The following CWC27 variants were observed in gnomAD, a reference collection of about 807,000 sequenced individuals.
CWC27 encodes CWC27 spliceosome associated cyclophilin.
A neutral mutation model predicts 63.6 loss-of-function variants in CWC27; 47 were observed. That is an observed-to-expected ratio of 0.74 (90% CI 0.58 to 0.94). CWC27 has a LOEUF of 0.94. Among genes scored for constraint, CWC27 ranks in the 40% least tolerant of loss-of-function variants. CWC27 has a pLI of 0.00. For missense variants in CWC27, 495 were observed against 554.3 expected, an observed-to-expected ratio of 0.89 and a Z score of 1.07; for synonymous variants, 175 against 179.8, an observed-to-expected ratio of 0.97 and a Z score of 0.22.
At chr5:64,879,573 A>G (rs1186754235) in intron 10 of CWC27, among the ~76,000 whole-genome samples, 1 of 151,950 alleles carries the variant, frequency 6.6e-6, no homozygotes, top group Admixed American at 6.6e-5. Context: ...TTTCTGAAAT[A>G]GCAGAGGGGC....
intron 12 of CWC27, chr5:64,972,734 A>G (rs1037491214): frequency 1.8e-5 from 8 of 443,812 alleles, no homozygotes; most frequent in Non-Finnish European, 3.1e-5. Context: ...AGAGATACTA[A>G]GGATGACTCA....
chr5:64,918,999 C>T (rs1747942931), intron 11 of CWC27, among the ~76,000 whole-genome samples: 1 of 152,132 alleles, frequency 6.6e-6, no homozygotes, highest in African/African-American at 2.4e-5. Context: ...GTTCTTAAAA[C>T]AATGAGATAA....
intron 13 of CWC27, among the ~76,000 whole-genome samples, chr5:65,004,514 G>T (rs1255683942): frequency 6.8e-6 from 1 of 146,300 alleles, no homozygotes; most frequent in Non-Finnish European, 1.5e-5. Context: ...TTCATTGATT[G>T]AATTCTTCAG....
intron 7 of CWC27, among the ~76,000 whole-genome samples, chr5:64,794,435 C>T (rs1420421412): frequency 6.6e-6 from 1 of 151,932 alleles, no homozygotes; most frequent in Non-Finnish European, 1.5e-5. Flanking sequence ...ACATAATAGC[C>T]TGTGAGTCCT....
intron 11 of CWC27, among the ~76,000 whole-genome samples, chr5:64,970,084 C>T (rs1020127572): frequency 6.6e-6 from 1 of 152,150 alleles, no homozygotes; most frequent in Non-Finnish European, 1.5e-5. Flanking sequence ...TTAACTGCCT[C>T]ATGTAGGGAT....
intron 13 of CWC27, among the ~76,000 whole-genome samples, chr5:64,982,128 TTAA>T: frequency 6.6e-6 from 1 of 152,192 alleles, no homozygotes; most frequent in Non-Finnish European, 1.5e-5. Context: ...CAGTGAAATC[TTAA>T]TAATACAGAT....
intron 10 of CWC27, among the ~76,000 whole-genome samples, chr5:64,844,532 G>C (rs1441784681): frequency 6.6e-6 from 1 of 152,232 alleles, no homozygotes; most frequent in Non-Finnish European, 1.5e-5. Flanking sequence ...TTTTGGAGAA[G>C]TGAAGGGTCT....
chr5:64,992,266 C>T (rs1429150190), intron 13 of CWC27, among the ~76,000 whole-genome samples: 1 of 152,164 alleles, frequency 6.6e-6, no homozygotes, highest in East Asian at 1.9e-4. Context: ...AAATGAGGAA[C>T]TCTGTAGTTC....
chr5:65,008,505 G>A (rs548844883), intron 13 of CWC27, among the ~76,000 whole-genome samples: 3 of 152,214 alleles, frequency 2.0e-5, no homozygotes, highest in East Asian at 1.9e-4. Flanking sequence ...AACTTTATCC[G>A]ACCCACTATA....
chr5:64,889,769 A>G (rs1747179487), intron 11 of CWC27, among the ~76,000 whole-genome samples: 1 of 152,190 alleles, frequency 6.6e-6, no homozygotes, highest in African/African-American at 2.4e-5. Context: ...GATACCAGCA[A>G]TGTCAAAAGA....
At chr5:65,006,972 A>C (rs199669704) in intron 13 of CWC27, among the ~76,000 whole-genome samples, 3 of 93,584 alleles carry the variant, frequency 3.2e-5, no homozygotes, top group East Asian at 3.0e-4. Context: ...GAAAGAAAGA[A>C]AGAAAGAAAG....
In CWC27 at chr5:64,769,179, G is replaced by A; in HGVS notation, c.33G>A (p.Thr11=). The change falls in exon 1 of 14, where the codon ACG becomes ACA. Residue 11 remains threonine (T), a synonymous_variant. Coordinates refer to ENST00000381070, the MANE Select transcript of CWC27 (RefSeq NM_005869.4). The part of the protein sequence containing the change: MSNIYIQEPP[T]NGKVLLKTTA... ...ACATCTACATCCAGGAGCCTCCCAC[G>A]AATGGGAAGGTGAGAGCCTCATCTA... 6.2e-7 allele frequency: 1 copy of A among 1,614,078 alleles called. No individual in the cohort carries two copies. Among genetic ancestry groups the A allele is most frequent in the Non-Finnish European group, 8.5e-7 (1 of 1,179,978 alleles).
intron 10 of CWC27, among the ~76,000 whole-genome samples, chr5:64,865,500 T>G (rs1271563475): frequency 6.6e-6 from 1 of 152,078 alleles, no homozygotes; most frequent in Non-Finnish European, 1.5e-5. Context: ...TTTATATAGA[T>G]TGGTATGACA....
chr5:64,814,623 G>A (rs1005653438), intron 10 of CWC27, among the ~76,000 whole-genome samples: 2 of 152,122 alleles, frequency 1.3e-5, no homozygotes, highest in East Asian at 1.9e-4. Flanking sequence ...AGAAAGCAGC[G>A]ACACCAGTAC....
intron 10 of CWC27, among the ~76,000 whole-genome samples, chr5:64,853,631 G>A (rs1159296091): frequency 6.6e-6 from 1 of 152,132 alleles, no homozygotes; most frequent in African/African-American, 2.4e-5. Flanking sequence ...TTGGCTTCGG[G>A]TGAAGTCCTC....
intron 11 of CWC27, among the ~76,000 whole-genome samples, chr5:64,939,330 T>C (rs1262723884): frequency 6.6e-6 from 1 of 152,172 alleles, no homozygotes; most frequent in Non-Finnish European, 1.5e-5. Flanking sequence ...ATATTGATGC[T>C]ATTCCTTTCT....
intron 6 of CWC27, 126 bp downstream of exon 6, chr5:64,786,753 T>G (rs1743900478): frequency 3.4e-6 from 2 of 591,940 alleles, no homozygotes; most frequent in South Asian, 4.7e-5. Flanking sequence ...AGAGAGATAT[T>G]GGAATTATGA....
Position 64,807,494 on chromosome 5 carries a change from C to T in CWC27, c.938+3108C>T, listed in dbSNP as rs1057084436. On this transcript the variant is annotated intron_variant, in intron 10 of 13. Transcript: ENST00000381070. ...ACAAATCCAAAACGCTTCCTAGTTT[C>T]TCTCCTTAGAGAATCGGCACCCTTA... 5.8e-6 allele frequency: 8 copies of T among 1,368,724 alleles called. No homozygotes were observed. The South Asian group carries it at 1.3e-4, about 21-fold the overall frequency. 84.8% of individuals were successfully genotyped at this position (1,368,724 alleles called of 1,614,324 possible).
chr5:64,972,521 TG>T lies in CWC27; in HGVS notation c.1152+711del, dbSNP rs1012528695. ...AGATAGACATATATATTAATATATA[TG>T]GATATAAACAAACTGCCTTATATAT... On this transcript the variant is annotated intron_variant, in intron 12 of 13. Coordinates refer to ENST00000381070, the MANE Select transcript of CWC27 (RefSeq NM_005869.4). Among the ~76,000 whole-genome samples, 19 of 144,774 alleles carry T rather than the reference TG, an allele frequency of 1.3e-4. No individual in the cohort carries two copies. In the East Asian group the frequency reaches 3.6e-3, roughly 27 times the overall value. The allele number at this position is 144,774 out of a possible 152,430, so 95.0% of individuals were successfully genotyped here.
Sources: gnomAD v4.1 joint callset for allele counts (sites outside exome capture counted in the v4.1 genomes callset) on GRCh38, gnomAD v4.1.1 for gene constraint, MANE v1.5 for transcripts, NCBI Gene and HGNC (gene_info 2026-07-23, HGNC 2026-07-21) for gene names.